The following GAS7 variants were observed in gnomAD, a reference collection of about 807,000 sequenced individuals.
GAS7 encodes the protein growth arrest specific 7, also known as growth arrest-specific protein 7.
Under a neutral mutation model 71.1 loss-of-function variants are expected in GAS7, and 28 were observed. That is an observed-to-expected ratio of 0.39 (90% confidence interval 0.29 to 0.54). The LOEUF (loss-of-function observed/expected upper bound fraction) is 0.54. Among genes scored for constraint, GAS7 ranks in the 20% least tolerant of loss-of-function variants. The pLI is 0.62. For synonymous variants in GAS7, 258 were observed against 245.8 expected (o/e 1.05, Z -0.46); for missense variants, 436 against 627.8 (o/e 0.69, Z 3.27).
intron 1 of GAS7, among the ~76,000 whole-genome samples, chr17:10,064,316 G>A (rs550615157): frequency 1.3e-5 from 2 of 152,200 alleles, no homozygotes; most frequent in African/African-American, 2.4e-5. Context: ...CACCGTGGGG[G>A]TCTGTGACCT....
chr17:10,165,195 G>A (rs2074284602), intron 1 of GAS7, among the ~76,000 whole-genome samples: 1 of 151,090 alleles, frequency 6.6e-6, no homozygotes, highest in Non-Finnish European at 1.5e-5. Context: ...GGGACCCTGA[G>A]GCAGGAGAAT....
chr17:10,005,157 G>GCATGTGTA (rs1567880028), intron 2 of GAS7, among the ~76,000 whole-genome samples: 9 of 88,336 alleles, frequency 1.0e-4, no homozygotes, highest in African/African-American at 2.4e-4. Flanking sequence ...ATGCATGCAT[G>GCATGTGTA]TGTGTGCGCA....
At chr17:10,055,058 C>A (rs1222687399) in intron 1 of GAS7, among the ~76,000 whole-genome samples, 1 of 152,188 alleles carries the variant, frequency 6.6e-6, no homozygotes, top group African/African-American at 2.4e-5. Flanking sequence ...TCAGGGGCGA[C>A]ACCACACATC....
intron 1 of GAS7, among the ~76,000 whole-genome samples, chr17:10,160,334 T>G (rs1455590549): frequency 6.6e-6 from 1 of 152,220 alleles, no homozygotes; most frequent in Non-Finnish European, 1.5e-5. Flanking sequence ...TAATTGTTTC[T>G]CTTTGATTTT....
At chr17:10,010,167 T>TG (rs1162242239) in intron 2 of GAS7, among the ~76,000 whole-genome samples, 36 of 152,032 alleles carry the variant, frequency 2.4e-4, no homozygotes, top group South Asian at 6.2e-4. Context: ...CTTTCTTTTT[T>TG]GGGGGGGCGT....
At chr17:9,987,067 C>A (rs1259860209) in intron 2 of GAS7, among the ~76,000 whole-genome samples, 1 of 152,196 alleles carries the variant, frequency 6.6e-6, no homozygotes, top group Non-Finnish European at 1.5e-5. Context: ...GCTCCTTGAC[C>A]AAGTCACAGT....
intron 1 of GAS7, among the ~76,000 whole-genome samples, chr17:10,159,959 T>G (rs2074239026): frequency 1.3e-5 from 2 of 150,728 alleles, no homozygotes; most frequent in South Asian, 4.3e-4. Flanking sequence ...CTAATTTTTT[T>G]GTAGAGACAG....
chr17:10,057,862 G>A (rs1277101425), intron 1 of GAS7, among the ~76,000 whole-genome samples: 1 of 152,280 alleles, frequency 6.6e-6, no homozygotes, highest in African/African-American at 2.4e-5. Context: ...TGTCTGTGTA[G>A]AAAGAAGTAG....
In GAS7 at chr17:9,914,787, A is replaced by T. The variant is rs1345276434; in HGVS notation, c.*2441T>A. 8.7e-6 allele frequency: 2 copies of T among 228,698 alleles called. No homozygotes were observed. Among genetic ancestry groups the T allele is most frequent in the Non-Finnish European group, 1.7e-5 (2 of 115,310 alleles). 14.2% of individuals were successfully genotyped at this position (228,698 alleles called of 1,614,324 possible). ...GAGAGCAGAGGAATGCCCATCTTAC[A>T]TACAACTAGAGCGCCGCTTCTCAGC... On this transcript the variant is annotated 3_prime_UTR_variant, in exon 14 of 14. Transcript: ENST00000432992.
intron 2 of GAS7, among the ~76,000 whole-genome samples, chr17:9,999,005 T>G (rs191338035): frequency 3.7e-4 from 57 of 152,320 alleles, no homozygotes; most frequent in Admixed American, 3.4e-3. Flanking sequence ...GAACTGTAGC[T>G]TTTTAACAGG....
At chr17:10,076,305 G>A (rs1472365606) in intron 1 of GAS7, among the ~76,000 whole-genome samples, 10 of 69,596 alleles carry the variant, frequency 1.4e-4, no homozygotes, top group Admixed American at 1.2e-3. Flanking sequence ...AGAAGGGACG[G>A]GAGGAGAAGG....
intron 1 of GAS7, among the ~76,000 whole-genome samples, chr17:10,033,018 T>C (rs768959980): frequency 1.4e-4 from 21 of 152,218 alleles, no homozygotes; most frequent in Admixed American, 3.9e-4. Flanking sequence ...AGGTCCCTGT[T>C]ACGGCCAATT....
intron 1 of GAS7, among the ~76,000 whole-genome samples, chr17:10,092,077 CT>C (rs1373896884): frequency 2.0e-5 from 3 of 152,204 alleles, no homozygotes; most frequent in Non-Finnish European, 4.4e-5. Context: ...GTTTCTCCCC[CT>C]ATTCCAGACA....
At chr17:10,106,299 C>T (rs1177940481) in intron 1 of GAS7, among the ~76,000 whole-genome samples, 5 of 152,180 alleles carry the variant, frequency 3.3e-5, no homozygotes, top group African/African-American at 7.2e-5. Context: ...GCGGCTCCTC[C>T]GCAGACACCG....
At chr17:10,065,201 A>G (rs1193684502) in intron 1 of GAS7, among the ~76,000 whole-genome samples, 1 of 152,200 alleles carries the variant, frequency 6.6e-6, no homozygotes, top group Non-Finnish European at 1.5e-5. Flanking sequence ...AATCAAAACT[A>G]AAGAACATAA....
chr17:10,031,779 C>T (rs541941483), intron 1 of GAS7, among the ~76,000 whole-genome samples: 2 of 152,226 alleles, frequency 1.3e-5, no homozygotes, highest in East Asian at 3.8e-4. Flanking sequence ...CCGTCCTTTT[C>T]GTTGGTGGCA....
intron 1 of GAS7, among the ~76,000 whole-genome samples, chr17:10,176,142 A>T (rs987899376): frequency 6.6e-6 from 1 of 152,260 alleles, no homozygotes; most frequent in Non-Finnish European, 1.5e-5. Context: ...GAAGGAGGCA[A>T]CAGAGCTCTT....
chr17:10,116,131 C>T lies in GAS7; in HGVS notation c.183+82077G>A, dbSNP rs528906006. 1.3e-3 allele frequency among the ~76,000 whole-genome samples: 194 copies of T among 152,090 alleles called. 2 individuals carry two copies. Among genetic ancestry groups the T allele is most frequent in the Non-Finnish European group, 2.1e-3 (140 of 67,924 alleles). On this transcript the variant is annotated intron_variant, in intron 1 of 13. Coordinates refer to ENST00000432992, the MANE Select transcript of GAS7 (RefSeq NM_201433.2). Reference sequence around the variant, plus strand: ...TTCAAGACCAGCCTGGCCAACATGGCCAAACCCCATCTCTACTAAAAGTAC... The same window carrying T: ...TTCAAGACCAGCCTGGCCAACATGGTCAAACCCCATCTCTACTAAAAGTAC...
chr17:9,989,924 G>T (rs911178497), intron 2 of GAS7, among the ~76,000 whole-genome samples: 22 of 152,210 alleles, frequency 1.4e-4, no homozygotes, highest in Admixed American at 4.6e-4. Context: ...GGAAGTCAGT[G>T]GGTGCTGCCT....
Sources: gnomAD v4.1 joint callset for allele counts (sites outside exome capture counted in the v4.1 genomes callset) on GRCh38, gnomAD v4.1.1 for gene constraint, MANE v1.5 for transcripts, NCBI Gene and HGNC (gene_info 2026-07-23, HGNC 2026-07-21) for gene names.